Variants in RORA observed in about 807,000 individuals in gnomAD.
RORA encodes the protein RAR related orphan receptor A, also known as nuclear receptor ROR-alpha.
In RORA, 7 loss-of-function variants were observed where a neutral mutation model predicts 69.5. The observed-to-expected ratio is 0.10, with a 90% confidence interval of 0.06 to 0.19. The LOEUF is 0.19. Among genes scored for constraint, RORA ranks in the 10% least tolerant of loss-of-function variants. The probability of loss-of-function intolerance (pLI) is 1.00; values close to 1 mark genes in which losing one functional copy is unlikely to be tolerated. For missense variants in RORA, 457 were observed against 663.0 expected (o/e 0.69, Z 3.41); for synonymous variants, 261 against 240.8 (o/e 1.08, Z -0.78).
intron 1 of RORA, among the ~76,000 whole-genome samples, chr15:61,219,550 G>C (rs1326016641): frequency 6.6e-6 from 1 of 152,036 alleles, no homozygotes; most frequent in Non-Finnish European, 1.5e-5. Flanking sequence ...ACTCCAGCCT[G>C]GGCGACAGAG....
At chr15:60,592,313 TC>T in intron 2 of RORA, 2 of 1,083,392 alleles carry the variant, frequency 1.8e-6, no homozygotes, top group Non-Finnish European at 2.4e-6. Flanking sequence ...CGCCCACCCC[TC>T]CCCCTGCGCG....
chr15:60,959,087 G>A (rs962802113), intron 1 of RORA, among the ~76,000 whole-genome samples: 1 of 152,194 alleles, frequency 6.6e-6, no homozygotes, highest in African/African-American at 2.4e-5. Context: ...CAAGGCTGTA[G>A]AATTTTGGAA....
intron 3 of RORA, among the ~76,000 whole-genome samples, chr15:60,522,832 G>A (rs951223754): frequency 6.6e-6 from 1 of 150,648 alleles, no homozygotes; most frequent in Non-Finnish European, 1.5e-5. Flanking sequence ...AGCGCTTTGG[G>A]AGGCCGAGGT....
At chr15:60,948,485 G>C (rs1020793781) in intron 1 of RORA, among the ~76,000 whole-genome samples, 2 of 152,166 alleles carry the variant, frequency 1.3e-5, no homozygotes, top group African/African-American at 4.8e-5. Flanking sequence ...AAAAATAGAT[G>C]AAGTTCCCAG....
chr15:60,784,044 G>C (rs940490004), intron 1 of RORA, among the ~76,000 whole-genome samples: 1 of 152,168 alleles, frequency 6.6e-6, no homozygotes, highest in East Asian at 1.9e-4. Context: ...AACAGTATGG[G>C]CAGGCCCATG....
At chr15:60,630,721 G>A (rs1165857331) in intron 2 of RORA, 1 of 152,188 alleles carries the variant, frequency 6.6e-6, no homozygotes, top group Non-Finnish European at 1.5e-5. Flanking sequence ...ATACAGCTCA[G>A]GAACTCCTTT....
intron 1 of RORA, among the ~76,000 whole-genome samples, chr15:60,815,001 A>T (rs1269140810): frequency 2.0e-5 from 3 of 152,170 alleles, no homozygotes; most frequent in African/African-American, 4.8e-5. Flanking sequence ...AGTAGGACAC[A>T]TGAGGCGAAA....
At chr15:60,506,104 A>G (rs2065492163) in intron 5 of RORA, among the ~76,000 whole-genome samples, 2 of 152,340 alleles carry the variant, frequency 1.3e-5, no homozygotes, top group South Asian at 4.1e-4. Flanking sequence ...TTGCAGAACA[A>G]GCATTACTGA....
intron 1 of RORA, among the ~76,000 whole-genome samples, chr15:60,985,921 G>T (rs991616886): frequency 6.6e-6 from 1 of 152,280 alleles, no homozygotes; most frequent in African/African-American, 2.4e-5. Context: ...AAAATTAAGA[G>T]TTTATCTGAA....
In RORA at chr15:61,200,186, C is replaced by T. The variant is rs140574236; in HGVS notation, c.166+28867G>A. On this transcript the variant is annotated intron_variant, in intron 1 of 10. Coordinates refer to ENST00000335670, the MANE Select transcript of RORA (RefSeq NM_134261.3). ...CAGAGCTCCACCTTGACAGGAGAGT[C>T]GGGAAAAGAGTCATTCTGCTTCGTT... 2.3e-3 allele frequency among the ~76,000 whole-genome samples: 355 copies of T among 152,226 alleles called. 2 individuals carry two copies. The highest frequency in any genetic ancestry group is 8.5e-3 in the African/African-American group (351 of 41,506).
At chr15:61,012,880 G>A (rs549812293) in intron 1 of RORA, among the ~76,000 whole-genome samples, 21 of 152,196 alleles carry the variant, frequency 1.4e-4, no homozygotes, top group Non-Finnish European at 5.9e-5. Context: ...GAACTCCTCA[G>A]CTCAAGTGAT....
chr15:60,662,308 G>C (rs1341708148), intron 2 of RORA, among the ~76,000 whole-genome samples: 7 of 152,160 alleles, frequency 4.6e-5, no homozygotes, highest in Non-Finnish European at 1.0e-4. Flanking sequence ...TAAAAAGAGA[G>C]ACTTGCTATG....
chr15:61,053,558 T>C (rs2078044693), intron 1 of RORA, among the ~76,000 whole-genome samples: 1 of 151,954 alleles, frequency 6.6e-6, no homozygotes, highest in African/African-American at 2.4e-5. Context: ...ACCCTCCTGA[T>C]TTCCTGGTCC....
chr15:60,594,513 G>C (rs1412054496), intron 2 of RORA, among the ~76,000 whole-genome samples: 1 of 152,204 alleles, frequency 6.6e-6, no homozygotes, highest in Non-Finnish European at 1.5e-5. Flanking sequence ...GATTCACAAT[G>C]CTACTTTAAA....
chr15:60,555,315 A>G (rs2067326092), intron 2 of RORA, among the ~76,000 whole-genome samples: 1 of 152,178 alleles, frequency 6.6e-6, no homozygotes, highest in African/African-American at 2.4e-5. Flanking sequence ...CATAAAATCA[A>G]AAGGTTCCAA....
In RORA at chr15:60,493,884, T is replaced by G. The variant is rs1267501342; in HGVS notation, c.*3571A>C. 1 of 151,960 alleles carries G rather than the reference T, an allele frequency of 6.6e-6. No homozygotes were observed. Among genetic ancestry groups the G allele is most frequent in the Non-Finnish European group, 1.5e-5 (1 of 68,016 alleles). 9.4% of individuals were successfully genotyped at this position (151,960 alleles called of 1,614,324 possible). A position where few individuals can be genotyped will look rare whatever the true frequency, so the allele number is the denominator to read the frequency against. On this transcript the variant is annotated 3_prime_UTR_variant, in exon 11 of 11. Transcript: ENST00000335670. Reference sequence around the variant, plus strand: ...TTGATTTAAGTATTTTGAATACATTTTCTTTTCCATTGACACTTAGTAGCC... The same window carrying G: ...TTGATTTAAGTATTTTGAATACATTGTCTTTTCCATTGACACTTAGTAGCC...
intron 1 of RORA, among the ~76,000 whole-genome samples, chr15:61,140,694 T>C (rs1041608908): frequency 2.6e-5 from 4 of 151,990 alleles, no homozygotes; most frequent in Admixed American, 1.3e-4. Context: ...AAAAACCTCA[T>C]AGCAGAGGCG....
intron 1 of RORA, among the ~76,000 whole-genome samples, chr15:60,935,029 G>A (rs1892479701): frequency 6.6e-6 from 1 of 152,204 alleles, no homozygotes; most frequent in Non-Finnish European, 1.5e-5. Flanking sequence ...CTATGCAGTA[G>A]GTACTATTAT....
chr15:60,567,424 T>TC (rs2067749801), intron 2 of RORA, among the ~76,000 whole-genome samples: 1 of 151,336 alleles, frequency 6.6e-6, no homozygotes, highest in Admixed American at 6.6e-5. Flanking sequence ...TTATTTTTTT[T>TC]TTTCTGAGAC....
Sources: allele counts gnomAD v4.1 joint callset (sites outside exome capture counted in the v4.1 genomes callset), GRCh38; gene constraint gnomAD v4.1.1; transcripts MANE v1.5; gene names NCBI Gene and HGNC (gene_info 2026-07-23, HGNC 2026-07-21).